The following CEP78 variants were observed in gnomAD, a reference collection of about 807,000 sequenced individuals.
CEP78 encodes centrosomal protein of 78 kDa.
A neutral mutation model predicts 81.2 loss-of-function variants in CEP78; 76 were observed. The observed-to-expected ratio is 0.94, with a 90% CI of 0.78 to 1.13. CEP78 has a LOEUF of 1.13. Ranked by LOEUF, CEP78 falls within the 50% of genes most tolerant of loss-of-function variation. The pLI is 0.00. For synonymous variants in CEP78, 293 were observed against 301.4 expected (o/e 0.97, Z 0.29); for missense variants, 918 against 846.8 (o/e 1.08, Z -1.04).
intron 11 of CEP78, among the ~76,000 whole-genome samples, chr9:78,257,753 G>A (rs571594344): frequency 2.6e-5 from 4 of 152,246 alleles, no homozygotes; most frequent in South Asian, 2.1e-4. Context: ...GAGCTTGTCC[G>A]CCCTTTTCAG....
intron 7 of CEP78, 50 bp downstream of exon 7, chr9:78,248,405 C>G (rs761769872): frequency 1.1e-5 from 13 of 1,186,654 alleles, no homozygotes; most frequent in Non-Finnish European, 1.6e-5. Flanking sequence ...AATTGCTTTT[C>G]TTCTGGGATC....
chr9:78,264,965 G>A (rs935582489), intron 13 of CEP78, among the ~76,000 whole-genome samples: 2 of 152,126 alleles, frequency 1.3e-5, no homozygotes, highest in Admixed American at 6.6e-5. Flanking sequence ...GTAGGTGAAC[G>A]GTTTGGTGAG....
rs755462996 is a variant in CEP78 at position 78,236,443 on chromosome 9, G to A, written c.93G>A (p.Leu31=). Residue 31 remains leucine, a synonymous_variant, in exon 1 of 17, where the codon CTG becomes CTA. Transcript: ENST00000643273. ...YLCALQNSVP[L]PAVRACLREG... is the part of the protein sequence containing the mutation. ...GCGCGCTGCAGAACTCGGTGCCGCT[G>A]CCCGCCGTGCGCGCCTGTCTCCGGG... 1 of 1,602,996 alleles carries A rather than the reference G, an allele frequency of 6.2e-7. No homozygotes were observed. Among genetic ancestry groups the A allele is most frequent in the South Asian group, 1.1e-5 (1 of 89,142 alleles).
At chr9:78,238,868 C>T (rs573898406) in intron 1 of CEP78, among the ~76,000 whole-genome samples, 7 of 151,970 alleles carry the variant, frequency 4.6e-5, no homozygotes, top group African/African-American at 1.2e-4. Context: ...CCTGTCTCTA[C>T]AAAAAGTAAA....
chr9:78,237,842 G>A (rs545206593), intron 1 of CEP78, among the ~76,000 whole-genome samples: 2 of 151,584 alleles, frequency 1.3e-5, no homozygotes, highest in African/African-American at 2.4e-5. Flanking sequence ...CGTGGCTTAT[G>A]CCTGTAATCC....
chr9:78,262,607 C>A (rs1172606469), intron 11 of CEP78, among the ~76,000 whole-genome samples: 1 of 152,062 alleles, frequency 6.6e-6, no homozygotes, highest in African/African-American at 2.4e-5. Flanking sequence ...AATAGAATTT[C>A]TTTTTCATAG....
intron 11 of CEP78, among the ~76,000 whole-genome samples, chr9:78,260,057 C>A (rs2118411222): frequency 6.6e-6 from 1 of 152,304 alleles, no homozygotes; most frequent in South Asian, 2.1e-4. Flanking sequence ...ATACTTCCTT[C>A]TCTTGAATAT....
rs1006279710 is a variant in CEP78 at position 78,264,228 on chromosome 9, A to G, written c.1537A>G (p.Met513Val). The stretch of plus-strand genomic sequence containing the variant: ...CCTTCATGCACAGTCATTGACAAAT[A>G]TGATCCTGGATGATGAAGGTGTTTT... Reference protein sequence around the residue: ...EALHAQSLTNMILDDEGVLGS... With the variant: ...EALHAQSLTNVILDDEGVLGS... The change falls in exon 13 of 17, where the codon ATG (methionine) becomes GTG (valine). Residue 513 changes from methionine to valine, a missense_variant. Coordinates refer to ENST00000643273, the MANE Select transcript of CEP78 (RefSeq NM_001330691.3). The G allele has an allele frequency of 4.3e-6, 7 of 1,609,982 alleles. No homozygotes were observed. The highest frequency in any genetic ancestry group is 2.7e-5 in the African/African-American group (2 of 74,560).
chr9:78,239,072 A>G (rs1041472086), intron 1 of CEP78, among the ~76,000 whole-genome samples: 6 of 151,830 alleles, frequency 4.0e-5, no homozygotes, highest in African/African-American at 9.7e-5. Flanking sequence ...AGGCTAGCCT[A>G]CTAGATCTTG....
At chr9:78,246,215 T>C (rs987352387) in intron 5 of CEP78, among the ~76,000 whole-genome samples, 1 of 152,022 alleles carries the variant, frequency 6.6e-6, no homozygotes, top group African/African-American at 2.4e-5. Flanking sequence ...ATTTTTATTT[T>C]TTCAATACCC....
chr9:78,264,719 T>C (rs573497220), intron 13 of CEP78, among the ~76,000 whole-genome samples: 1 of 151,928 alleles, frequency 6.6e-6, no homozygotes, highest in Admixed American at 6.6e-5. Flanking sequence ...AAAGACCAAA[T>C]TGAAGGTAGT....
intron 16 of CEP78, chr9:78,266,924 A>C: frequency 7.0e-7 from 1 of 1,428,616 alleles, no homozygotes; most frequent in South Asian, 1.6e-5. Flanking sequence ...AATCCAGTCC[A>C]CTAGAACATT....
Position 78,270,885 on chromosome 9 carries a change from GC to G in CEP78, c.*35del. 1 of 674,392 alleles carries G rather than the reference GC, an allele frequency of 1.5e-6. No individual in the cohort carries two copies. Among genetic ancestry groups the G allele is most frequent in the East Asian group, 2.8e-5 (1 of 35,676 alleles). 41.8% of individuals were successfully genotyped at this position (674,392 alleles called of 1,614,324 possible). On this transcript the variant is annotated 3_prime_UTR_variant, in exon 17 of 17. Transcript: ENST00000643273. ...GAGAAATATTAAAATAAAAATAATA[GC>G]AGAGTTGGAAAACCAGAAATTTGAA...
chr9:78,261,782 A>T (rs1379587730), intron 11 of CEP78, among the ~76,000 whole-genome samples: 1 of 152,186 alleles, frequency 6.6e-6, no homozygotes, highest in African/African-American at 2.4e-5. Context: ...TTATATAAAT[A>T]ATAAGTAGAG....
chr9:78,260,379 C>G (rs1444622353), intron 11 of CEP78, among the ~76,000 whole-genome samples: 3 of 152,256 alleles, frequency 2.0e-5, no homozygotes, highest in Admixed American at 2.0e-4. Flanking sequence ...AACCAGTAAG[C>G]TGGCTCAGTA....
rs1431255335 is a variant in CEP78, at chr9:78,276,674, A to G, written c.*5823A>G. 2 of 152,184 alleles carry G rather than the reference A, an allele frequency of 1.3e-5. No individual in the cohort carries two copies. Among genetic ancestry groups the G allele is most frequent in the Non-Finnish European group, 2.9e-5 (2 of 68,030 alleles). 9.4% of individuals were successfully genotyped at this position (152,184 alleles called of 1,614,324 possible). ...GAGGAAATAGACTCTCATCCACAATAGCTGCGAGAAGTAAATATTATCTAG... is the reference window on the plus strand; with the variant it reads ...GAGGAAATAGACTCTCATCCACAATGGCTGCGAGAAGTAAATATTATCTAG... On this transcript the variant is annotated 3_prime_UTR_variant, in exon 17 of 17. Coordinates refer to ENST00000643273, the MANE Select transcript of CEP78 (RefSeq NM_001330691.3).
At chr9:78,257,815 C>G (rs1464279964) in intron 11 of CEP78, among the ~76,000 whole-genome samples, 2 of 152,182 alleles carry the variant, frequency 1.3e-5, no homozygotes, top group Non-Finnish European at 2.9e-5. Flanking sequence ...AACCAGAACA[C>G]TTTTCAATAG....
At position 78,266,621 on chromosome 9, in the gene CEP78, G is replaced by A. The variant is rs1262912447; in HGVS notation, c.2025G>A (p.Ala675=). The A allele has an allele frequency of 6.8e-6, 11 of 1,612,884 alleles. No homozygotes were observed. The highest frequency in any genetic ancestry group is 2.2e-5 in the South Asian group (2 of 90,942). The change falls in exon 16 of 17, where the codon GCG becomes GCA. Residue 675 remains alanine, a synonymous_variant. Transcript: ENST00000643273. The part of the protein sequence containing the change: ...IARMCSPSPD[A]TSGTGSQRKE... ...GAATGTGTTCTCCTTCACCAGATGC[G>A]ACTTCTGGAACTGGAAGTCAAAGAA...
chr9:78,261,268 G>A (rs1827260686), intron 11 of CEP78, among the ~76,000 whole-genome samples: 1 of 151,934 alleles, frequency 6.6e-6, no homozygotes, highest in Non-Finnish European at 1.5e-5. Flanking sequence ...TCTGCATTTG[G>A]TTGAAAAAAA....
Sources: gnomAD v4.1 joint callset for allele counts (sites outside exome capture counted in the v4.1 genomes callset) on GRCh38, gnomAD v4.1.1 for gene constraint, MANE v1.5 for transcripts, NCBI Gene and HGNC (gene_info 2026-07-23, HGNC 2026-07-21) for gene names.